CCDC141: variants seen among roughly 807,000 people sequenced by gnomAD.
CCDC141 encodes coiled-coil domain-containing protein 141.
A neutral mutation model predicts 181.0 loss-of-function variants in CCDC141; 168 were observed. The ratio of observed to expected loss-of-function variants is 0.93; its 90% CI spans 0.82 to 1.05. The LOEUF is 1.05. CCDC141 is among the 50% of genes least tolerant of loss of function. CCDC141 has a pLI of 0.00. For missense variants in CCDC141, 1,902 were observed against 1,788.5 expected (o/e 1.06, Z -1.14); for synonymous variants, 666 against 642.3 (o/e 1.04, Z -0.56).
chr2:178,823,874 A>G, the CCDC141 span, among the ~76,000 whole-genome samples: 3 of 152,162 alleles, frequency 2.0e-5, no homozygotes, highest in Non-Finnish European at 4.4e-5. Flanking sequence ...GAGCATGCAT[A>G]TAAGTAACTC....
chr2:178,989,092 C>T (rs1372967303), intron 2 of CCDC141, among the ~76,000 whole-genome samples: 1 of 152,056 alleles, frequency 6.6e-6, no homozygotes, highest in Admixed American at 6.5e-5. Flanking sequence ...TTGAATTTGG[C>T]AATAGTTTTT....
intron 6 of CCDC141, among the ~76,000 whole-genome samples, chr2:178,922,482 G>T (rs1688735156): frequency 6.6e-6 from 1 of 152,070 alleles, no homozygotes; most frequent in East Asian, 1.9e-4. Flanking sequence ...GAATTGCCTA[G>T]GTAAAACTTC....
intron 4 of CCDC141, among the ~76,000 whole-genome samples, chr2:178,971,025 T>C (rs1304378873): frequency 6.6e-6 from 1 of 152,048 alleles, no homozygotes; most frequent in Non-Finnish European, 1.5e-5. Context: ...CTGGCCAATA[T>C]GGTGAAACTC....
intron 2 of CCDC141, among the ~76,000 whole-genome samples, chr2:179,009,464 C>T (rs942656265): frequency 7.9e-5 from 12 of 152,010 alleles, no homozygotes; most frequent in African/African-American, 2.7e-4. Flanking sequence ...TTCCCTTTTC[C>T]TATGTATTCT....
chr2:178,947,191 C>T (rs145515774), intron 5 of CCDC141, among the ~76,000 whole-genome samples: 21 of 152,256 alleles, frequency 1.4e-4, no homozygotes, highest in African/African-American at 4.6e-4. Flanking sequence ...TTGTGCCCAG[C>T]GAGTAGCTAC....
intron 3 of CCDC141, 147 bp from the exon 4 acceptor site, chr2:178,975,312 G>A: frequency 1.9e-6 from 1 of 519,860 alleles, no homozygotes; most frequent in Non-Finnish European, 3.5e-6. Flanking sequence ...ATGTGTTTGT[G>A]TGTGTTTTGG....
At chr2:179,008,905 A>G (rs1036404420) in intron 2 of CCDC141, among the ~76,000 whole-genome samples, 6 of 152,204 alleles carry the variant, frequency 3.9e-5, no homozygotes, top group Admixed American at 6.5e-5. Flanking sequence ...ATGATTATTC[A>G]TCAGCCATAA....
chr2:179,015,089 T>TACATATATATTATATATATAATC (rs1319398966), intron 2 of CCDC141, among the ~76,000 whole-genome samples: 5 of 47,124 alleles, frequency 1.1e-4, no homozygotes, highest in African/African-American at 2.6e-4. Context: ...TATATATATA[T>TACATATATATTATATATATAATC]ATATATATAT....
At position 179,045,895 on chromosome 2, in the gene CCDC141, A is replaced by C. The variant is rs370775599; in HGVS notation, c.225+1389T>G. 3.1e-4 allele frequency among the ~76,000 whole-genome samples: 39 copies of C among 126,148 alleles called. No individual in the cohort carries two copies. In the South Asian group the frequency reaches 0.01, roughly 33 times the overall value. 82.8% of individuals were successfully genotyped at this position (126,148 alleles called of 152,430 possible). ...GACTTCTGCCTTGCAAGACAACCTAAAACCCAGAGTAAGGAGCTGTCAAAC... is the reference window on the plus strand; with the variant it reads ...GACTTCTGCCTTGCAAGACAACCTACAACCCAGAGTAAGGAGCTGTCAAAC... On this transcript the variant is annotated intron_variant, in intron 2 of 23. Coordinates refer to ENST00000443758, the MANE Select transcript of CCDC141 (RefSeq NM_173648.4).
At chr2:179,047,091 G>A (rs979183839) in intron 2 of CCDC141, among the ~76,000 whole-genome samples, 193 bp downstream of exon 2, 9 of 151,988 alleles carry the variant, frequency 5.9e-5, no homozygotes, top group Non-Finnish European at 1.3e-4. Flanking sequence ...ATCACATTAG[G>A]GAAAATTTTT....
At chr2:178,966,800 C>T (rs1223845340) in intron 4 of CCDC141, among the ~76,000 whole-genome samples, 1 of 151,832 alleles carries the variant, frequency 6.6e-6, no homozygotes, top group African/African-American at 2.4e-5. Context: ...TAACAAACTG[C>T]TCCGAGCTAA....
At chr2:178,891,312 T>C (rs2154371216) in intron 8 of CCDC141, among the ~76,000 whole-genome samples, 1 of 152,288 alleles carries the variant, frequency 6.6e-6, no homozygotes, top group East Asian at 1.9e-4. Flanking sequence ...GTAGGATTGT[T>C]ATCCCCATTT....
intron 8 of CCDC141, among the ~76,000 whole-genome samples, chr2:178,890,134 G>A (rs574037015): frequency 1.3e-5 from 2 of 152,214 alleles, no homozygotes; most frequent in African/African-American, 4.8e-5. Context: ...AAGGTACAGA[G>A]AACAAAGGTT....
intron 4 of CCDC141, among the ~76,000 whole-genome samples, chr2:178,972,270 C>T (rs936874650): frequency 3.9e-5 from 6 of 152,052 alleles, no homozygotes; most frequent in Non-Finnish European, 5.9e-5. Flanking sequence ...TCCTTAATGT[C>T]CCTAAAGCAC....
chr2:178,861,958 T>C (rs1219302917), intron 17 of CCDC141, among the ~76,000 whole-genome samples: 1 of 152,248 alleles, frequency 6.6e-6, no homozygotes, highest in Admixed American at 6.5e-5. Flanking sequence ...ACTCTTTCTC[T>C]GCTTCCTTTC....
intron 9 of CCDC141, among the ~76,000 whole-genome samples, chr2:178,887,495 A>G (rs1254743098): frequency 1.3e-5 from 2 of 152,154 alleles, no homozygotes; most frequent in African/African-American, 4.8e-5. Context: ...ACTCTAGTCC[A>G]TACTCCCCAG....
intron 14 of CCDC141, among the ~76,000 whole-genome samples, chr2:178,870,026 G>A (rs1686040391): frequency 6.6e-6 from 1 of 152,146 alleles, no homozygotes; most frequent in South Asian, 2.1e-4. Flanking sequence ...GAAGGCAGGA[G>A]TTCAAGACCA....
chr2:178,988,930 A>G (rs139720036), intron 2 of CCDC141, among the ~76,000 whole-genome samples: 50 of 152,328 alleles, frequency 3.3e-4, no homozygotes, highest in African/African-American at 1.1e-3. Context: ...TAGTGGAACT[A>G]GAAGTACTAG....
rs145158843 is a variant in CCDC141, at chr2:178,983,434, C to G, written c.226-4759G>C. Among the ~76,000 whole-genome samples, 849 of 152,306 alleles carry G rather than the reference C, an allele frequency of 5.6e-3. 8 individuals are homozygous for G. Among genetic ancestry groups the G allele is most frequent in the African/African-American group, 0.02 (815 of 41,556 alleles). ...TCTCCTCCTCCAAAGGAACCCAGCT[C>G]CTTACCAGCAATGGAACAAAGCTGG... On this transcript the variant is annotated intron_variant, in intron 2 of 23. Coordinates refer to ENST00000443758, the MANE Select transcript of CCDC141 (RefSeq NM_173648.4).
Sources: allele counts gnomAD v4.1 joint callset (sites outside exome capture counted in the v4.1 genomes callset), GRCh38; gene constraint gnomAD v4.1.1; transcripts MANE v1.5; gene names NCBI Gene and HGNC (gene_info 2026-07-23, HGNC 2026-07-21).